The following GPHN variants were observed in gnomAD, a reference collection of about 807,000 sequenced individuals.
GPHN encodes the protein gephyrin.
In GPHN, 17 loss-of-function variants were observed where a neutral mutation model predicts 95.5. That is an observed-to-expected ratio of 0.18 (90% CI 0.12 to 0.27). GPHN has a LOEUF of 0.27. Among genes scored for constraint, GPHN ranks in the 10% least tolerant of loss-of-function variants. GPHN has a pLI of 1.00. For synonymous variants in GPHN, 320 were observed against 322.5 expected (o/e 0.99, Z 0.08); for missense variants, 660 against 978.1 (o/e 0.67, Z 4.34).
chr14:67,645,615 C>A, the GPHN span: 1 of 1,602,740 alleles, frequency 6.2e-7, no homozygotes, highest in South Asian at 1.1e-5. Flanking sequence ...AAGCAGAGGG[C>A]CTTCAAGATT....
At chr14:66,707,036 C>G (rs2069138127) in intron 2 of GPHN, among the ~76,000 whole-genome samples, 1 of 143,594 alleles carries the variant, frequency 7.0e-6, no homozygotes. Flanking sequence ...GACATACATG[C>G]AGCCAACAAA....
chr14:66,521,733 G>T (rs965062987), intron 1 of GPHN, among the ~76,000 whole-genome samples: 2 of 152,022 alleles, frequency 1.3e-5, no homozygotes, highest in African/African-American at 4.8e-5. Flanking sequence ...TCCTCCAAAG[G>T]TTCTACTTCT....
chr14:66,874,923 CTT>C (rs112693139), intron 4 of GPHN, among the ~76,000 whole-genome samples: 2,291 of 152,232 alleles, frequency 0.015, 32 homozygotes, highest in Non-Finnish European at 0.018. Flanking sequence ...CAAAGATACT[CTT>C]TGAGGAGAGC....
At chr14:66,862,581 C>G (rs2063070380) in intron 4 of GPHN, among the ~76,000 whole-genome samples, 1 of 151,906 alleles carries the variant, frequency 6.6e-6, no homozygotes, top group Non-Finnish European at 1.5e-5. Flanking sequence ...AATATTGATA[C>G]AAAAATCCTC....
chr14:67,600,353 G>C, the GPHN span: 3 of 630,592 alleles, frequency 4.8e-6, no homozygotes, highest in Non-Finnish European at 7.7e-6. Flanking sequence ...CGAGAGCTCT[G>C]CTGGGGGCTG....
the GPHN span, among the ~76,000 whole-genome samples, chr14:67,658,949 C>T: frequency 1.3e-5 from 2 of 152,228 alleles, no homozygotes; most frequent in Non-Finnish European, 2.9e-5. Flanking sequence ...TCAGTCTGCA[C>T]TGGTGGGCCC....
intron 10 of GPHN, among the ~76,000 whole-genome samples, chr14:67,058,266 A>C (rs1160559843): frequency 1.3e-5 from 2 of 152,238 alleles, no homozygotes; most frequent in African/African-American, 4.8e-5. Context: ...AGGTTTTTCA[A>C]ACTTTGAAAA....
At chr14:67,674,390 C>T in the GPHN span, 2 of 1,601,430 alleles carry the variant, frequency 1.2e-6, no homozygotes, top group South Asian at 1.1e-5. Flanking sequence ...CCCGCCGTCC[C>T]CAGCAGCCGC....
chr14:66,993,693 G>C (rs1204384596), intron 9 of GPHN, among the ~76,000 whole-genome samples: 1 of 152,118 alleles, frequency 6.6e-6, no homozygotes, highest in Non-Finnish European at 1.5e-5. Flanking sequence ...TGAAACATTA[G>C]TCCCTAGATA....
At chr14:67,342,734 CATAGTTAATATA>C in the GPHN span, among the ~76,000 whole-genome samples, 1 of 150,658 alleles carries the variant, frequency 6.6e-6, no homozygotes, top group African/African-American at 2.4e-5. Flanking sequence ...TCATATTATA[CATAGTTAATATA>C]ATAGTTAATA....
chr14:67,578,203 G>A, the GPHN span: 15 of 1,612,348 alleles, frequency 9.3e-6, no homozygotes, highest in East Asian at 2.9e-4. This position sits in a 1 kb window ranked among gnomAD's most constrained non-coding sequence, Gnocchi z 5.0. Flanking sequence ...CATGCAGGTA[G>A]GCATGCCAGG....
At chr14:67,174,154 T>C (rs966837139) in intron 21 of GPHN, among the ~76,000 whole-genome samples, 16 of 152,230 alleles carry the variant, frequency 1.1e-4, no homozygotes, top group African/African-American at 3.6e-4. Context: ...ACATGTGCCA[T>C]GTTGGTTTCC....
At chr14:66,524,700 A>G (rs988658871) in intron 1 of GPHN, among the ~76,000 whole-genome samples, 1 of 151,336 alleles carries the variant, frequency 6.6e-6, no homozygotes, top group East Asian at 2.0e-4. Flanking sequence ...CCTTGTGTCC[A>G]TGTGTTCTCA....
chr14:66,751,281 G>A (rs2058353067), intron 2 of GPHN, among the ~76,000 whole-genome samples: 2 of 151,956 alleles, frequency 1.3e-5, no homozygotes, highest in African/African-American at 4.8e-5. Flanking sequence ...CTGTCTTTCA[G>A]AATGGTTGAA....
chr14:66,700,072 G>A (rs1029767291), intron 2 of GPHN, among the ~76,000 whole-genome samples: 2 of 151,904 alleles, frequency 1.3e-5, no homozygotes, highest in African/African-American at 4.8e-5. Context: ...TGTCTTATAC[G>A]GGCTATTCAA....
chr14:66,545,508 GA>G (rs1679976492), intron 1 of GPHN, among the ~76,000 whole-genome samples: 1 of 122,798 alleles, frequency 8.1e-6, no homozygotes, highest in Non-Finnish European at 1.6e-5. Context: ...GCCGGGCGGG[GA>G]GCTGACCCCC....
At chr14:67,081,581 G>C (rs776788533) in intron 11 of GPHN, among the ~76,000 whole-genome samples, 1 of 152,148 alleles carries the variant, frequency 6.6e-6, no homozygotes, top group Non-Finnish European at 1.5e-5. Flanking sequence ...TTCTTTTGCT[G>C]TGCAGAAACT....
chr14:67,152,397 G>T (rs1156622863), intron 18 of GPHN, among the ~76,000 whole-genome samples: 2 of 151,912 alleles, frequency 1.3e-5, no homozygotes, highest in African/African-American at 4.8e-5. Flanking sequence ...TTACATATTT[G>T]CCTATGTAAA....
intron 1 of GPHN, among the ~76,000 whole-genome samples, chr14:66,634,326 C>T (rs1019655491): frequency 4.0e-5 from 6 of 151,768 alleles, no homozygotes; most frequent in Admixed American, 2.6e-4. Flanking sequence ...CATTGGTTCT[C>T]GGTGATTGCA....
Sources: gnomAD v4.1 joint callset for allele counts (sites outside exome capture counted in the v4.1 genomes callset) on GRCh38, gnomAD v4.1.1 for gene constraint, Gnocchi (gnomAD v3.1) non-coding constraint, MANE v1.5 for transcripts, NCBI Gene and HGNC (gene_info 2026-07-23, HGNC 2026-07-21) for gene names.